The following PAPSS1 variants were observed in gnomAD, a reference collection of about 807,000 sequenced individuals.
PAPSS1 encodes the protein 3'-phosphoadenosine 5'-phosphosulfate synthase 1.
Under a neutral mutation model 72.0 loss-of-function variants are expected in PAPSS1, and 50 were observed. The ratio of observed to expected loss-of-function variants is 0.69; its 90% confidence interval spans 0.55 to 0.88. The LOEUF (loss-of-function observed/expected upper bound fraction) is 0.88. PAPSS1 is among the 40% of genes least tolerant of loss of function. The pLI is 0.00. For synonymous variants in PAPSS1, 261 were observed against 263.6 expected, an observed-to-expected ratio of 0.99 and a Z score of 0.09; for missense variants, 657 against 782.2, an observed-to-expected ratio of 0.84 and a Z score of 1.91.
chr4:107,699,456 T>A (rs1300454383), intron 2 of PAPSS1, among the ~76,000 whole-genome samples: 1 of 152,066 alleles, frequency 6.6e-6, no homozygotes, highest in Non-Finnish European at 1.5e-5. Context: ...AGTGGAGACC[T>A]GATATAAAAC....
intron 5 of PAPSS1, among the ~76,000 whole-genome samples, chr4:107,667,753 A>G (rs1330382962): frequency 1.3e-5 from 2 of 152,350 alleles, no homozygotes; most frequent in Non-Finnish European, 2.9e-5. Context: ...AGGTTTTAGG[A>G]CTTACATAAA....
chr4:107,687,147 C>A lies in PAPSS1; in HGVS notation c.442G>T (p.Gly148Cys). The change falls in exon 4 of 12, where the codon GGT (glycine) becomes TGT (cysteine). Residue 148 changes from glycine (G) to cysteine (C), a missense_variant. Around this residue, in one of 7 missense-constraint regions of PAPSS1, gnomAD observed 119 missense variants for 171.1 expected, o/e 0.70. Transcript: ENST00000265174. ...DRNNARQIHEGASLPFFEVFV... is the reference protein window; with the variant it reads ...DRNNARQIHECASLPFFEVFV... ...ACTTCAAAAAACGGTAAACTTGCAC[C>A]TTCATGAATTTGCCTTGCATTGTTG... 1 of 1,588,924 alleles carries A rather than the reference C, an allele frequency of 6.3e-7. No individual in the cohort carries two copies. The highest frequency in any genetic ancestry group is 8.5e-7 in the Non-Finnish European group (1 of 1,171,876).
chr4:107,633,342 A>C (rs953595447), intron 10 of PAPSS1, among the ~76,000 whole-genome samples: 5 of 152,228 alleles, frequency 3.3e-5, no homozygotes, highest in Non-Finnish European at 7.3e-5. Flanking sequence ...TACCTGGCAC[A>C]CAGTAAATAT....
intron 3 of PAPSS1, among the ~76,000 whole-genome samples, chr4:107,687,768 T>G (rs565686370): frequency 6.6e-6 from 1 of 152,174 alleles, no homozygotes; most frequent in African/African-American, 2.4e-5. Flanking sequence ...TTTTCTTCTT[T>G]CTGGTCTTCA....
rs377533584 is a variant in PAPSS1 at position 107,648,548 on chromosome 4, T to C, written c.1238-3478A>G. ...CAGTATCCACCCCAACCACTGAACA[T>C]AGAATTACAACATCTTCTTGCTTCT... On this transcript the variant is annotated intron_variant, in intron 9 of 11. Coordinates refer to ENST00000265174, the MANE Select transcript of PAPSS1 (RefSeq NM_005443.5). 7.2e-5 allele frequency among the ~76,000 whole-genome samples: 11 copies of C among 152,308 alleles called. 1 individual carries two copies. The highest frequency in any genetic ancestry group is 5.9e-4 in the Admixed American group (9 of 15,304).
chr4:107,627,825 T>C (rs1726136986), intron 11 of PAPSS1, among the ~76,000 whole-genome samples: 1 of 152,168 alleles, frequency 6.6e-6, no homozygotes, highest in Non-Finnish European at 1.5e-5. Flanking sequence ...CTTTTACAGT[T>C]GCACTTTTTA....
intron 1 of PAPSS1, among the ~76,000 whole-genome samples, chr4:107,709,071 G>C (rs1183852188): frequency 6.6e-6 from 1 of 152,148 alleles, no homozygotes; most frequent in Non-Finnish European, 1.5e-5. Context: ...AGCTGCACTG[G>C]AGCCTCTGAG....
chr4:107,625,965 A>C (rs1726085408), intron 11 of PAPSS1, among the ~76,000 whole-genome samples: 2 of 151,156 alleles, frequency 1.3e-5, no homozygotes, highest in Admixed American at 1.3e-4. Flanking sequence ...GTGGATCACA[A>C]GGTCAGATCG....
intron 10 of PAPSS1, among the ~76,000 whole-genome samples, chr4:107,633,436 T>A (rs1402660259): frequency 2.6e-5 from 4 of 152,214 alleles, no homozygotes; most frequent in Non-Finnish European, 4.4e-5. Context: ...TTACCTTGAT[T>A]TTTTTCCACT....
chr4:107,694,679 A>G (rs1284203054), intron 2 of PAPSS1, among the ~76,000 whole-genome samples: 2 of 152,216 alleles, frequency 1.3e-5, no homozygotes, highest in Non-Finnish European at 2.9e-5. Flanking sequence ...CTAGATCATC[A>G]GCACTCACAA....
intron 11 of PAPSS1, among the ~76,000 whole-genome samples, chr4:107,629,303 C>CATTTTAAGAAGGGACAAAATGAT (rs1726175294): frequency 6.6e-6 from 1 of 152,196 alleles, no homozygotes; most frequent in South Asian, 2.1e-4. Context: ...CAGCAGTTTA[C>CATTTTAAGAAGGGACAAAATGAT]ATTTTAAGAA....
intron 5 of PAPSS1, among the ~76,000 whole-genome samples, chr4:107,662,515 T>C (rs1255851590): frequency 4.0e-5 from 6 of 151,896 alleles, no homozygotes; most frequent in East Asian, 1.9e-4. Flanking sequence ...AGAGGGCATA[T>C]CTTAAATTTT....
At chr4:107,695,089 G>T (rs948091478) in intron 2 of PAPSS1, among the ~76,000 whole-genome samples, 2 of 152,126 alleles carry the variant, frequency 1.3e-5, no homozygotes, top group Non-Finnish European at 2.9e-5. Context: ...GGGCAGTATG[G>T]CCATTTTCAC....
intron 11 of PAPSS1, among the ~76,000 whole-genome samples, chr4:107,622,801 C>G (rs566288977): frequency 6.6e-6 from 1 of 152,186 alleles, no homozygotes; most frequent in Non-Finnish European, 1.5e-5. Context: ...AAACACGAAC[C>G]CTTCACTAAT....
chr4:107,716,756 T>C (rs183035613), intron 1 of PAPSS1, among the ~76,000 whole-genome samples: 1 of 152,310 alleles, frequency 6.6e-6, no homozygotes, highest in Admixed American at 6.5e-5. Flanking sequence ...AATTTCTTGG[T>C]TTTTCTTTAC....
At chr4:107,646,278 C>T (rs1255938695) in intron 9 of PAPSS1, among the ~76,000 whole-genome samples, 1 of 149,332 alleles carries the variant, frequency 6.7e-6, no homozygotes, top group African/African-American at 2.5e-5. Context: ...TCCCTTTTGA[C>T]CACTAGAACT....
At chr4:107,673,173 C>T (rs533880926) in intron 5 of PAPSS1, among the ~76,000 whole-genome samples, 55 of 152,258 alleles carry the variant, frequency 3.6e-4, no homozygotes, top group African/African-American at 1.3e-3. Flanking sequence ...TCCAAAGGAA[C>T]GCAGCTCCTC....
intron 8 of PAPSS1, among the ~76,000 whole-genome samples, chr4:107,654,262 T>C (rs1011723374): frequency 6.6e-6 from 1 of 152,140 alleles, no homozygotes; most frequent in African/African-American, 2.4e-5. Flanking sequence ...ATACAACATA[T>C]ATATATAATA....
intron 10 of PAPSS1, among the ~76,000 whole-genome samples, chr4:107,642,578 T>C (rs1159633518): frequency 6.6e-6 from 1 of 152,250 alleles, no homozygotes; most frequent in Non-Finnish European, 1.5e-5. Flanking sequence ...ATGTAAAGCA[T>C]TCAGAATATT....
Sources: gnomAD v4.1 joint callset for allele counts (sites outside exome capture counted in the v4.1 genomes callset) on GRCh38, gnomAD v4.1.1 for gene constraint, gnomAD v4.1.1 regional missense constraint, MANE v1.5 for transcripts, NCBI Gene and HGNC (gene_info 2026-07-23, HGNC 2026-07-21) for gene names.